Variants in CEP128 observed in about 807,000 individuals in gnomAD.
CEP128 encodes the protein centrosomal protein 128kDa.
A neutral mutation model predicts 156.7 loss-of-function variants in CEP128; 132 were observed. That is an observed-to-expected ratio of 0.84 (90% CI 0.73 to 0.97). The LOEUF is 0.97. Among genes scored for constraint, CEP128 ranks in the 50% least tolerant of loss-of-function variants. CEP128 has a pLI of 0.00. For synonymous variants in CEP128, 469 were observed against 448.9 expected, an observed-to-expected ratio of 1.04 and a Z score of -0.57; for missense variants, 1,252 against 1,281.9, an observed-to-expected ratio of 0.98 and a Z score of 0.36.
chr14:80,890,503 A>C (rs1170180016), intron 8 of CEP128, among the ~76,000 whole-genome samples: 1 of 152,168 alleles, frequency 6.6e-6, no homozygotes, highest in African/African-American at 2.4e-5. Flanking sequence ...GGAAACCATC[A>C]TTCTCAGCAA....
chr14:80,885,278 A>G (rs1412865839), intron 8 of CEP128, among the ~76,000 whole-genome samples: 2 of 152,152 alleles, frequency 1.3e-5, no homozygotes, highest in Admixed American at 6.5e-5. Context: ...GAGCTCTGCT[A>G]AGGGACAGAC....
At chr14:80,895,067 G>A (rs117388817) in intron 8 of CEP128, among the ~76,000 whole-genome samples, 7,372 of 151,632 alleles carry the variant, frequency 0.049, 200 homozygotes, top group Middle Eastern at 0.069. Flanking sequence ...GACCATTAAC[G>A]GTTTCCTCCT....
chr14:80,605,219 G>C (rs1168048069), intron 19 of CEP128, among the ~76,000 whole-genome samples: 1 of 152,180 alleles, frequency 6.6e-6, no homozygotes, highest in South Asian at 2.1e-4. Context: ...TATCTTTGTA[G>C]GTTGCTGCAT....
At chr14:80,689,166 C>G (rs1180658176) in intron 19 of CEP128, among the ~76,000 whole-genome samples, 1 of 151,614 alleles carries the variant, frequency 6.6e-6, no homozygotes, top group Non-Finnish European at 1.5e-5. Context: ...GCCTGGCCAA[C>G]ATGGTGAATG....
intron 18 of CEP128, among the ~76,000 whole-genome samples, chr14:80,748,182 A>C (rs1017622841): frequency 2.0e-5 from 3 of 152,184 alleles, no homozygotes; most frequent in African/African-American, 4.8e-5. Context: ...GGAAATCTGC[A>C]AATTAAATTG....
chr14:80,836,173 T>G, intron 12 of CEP128, 32 bp downstream of exon 12: 4 of 1,608,286 alleles, frequency 2.5e-6, no homozygotes, highest in Non-Finnish European at 3.4e-6. Context: ...CCACACACAT[T>G]ATCACATTAT....
At chr14:80,619,430 T>C (rs1323029147) in intron 19 of CEP128, among the ~76,000 whole-genome samples, 3 of 142,090 alleles carry the variant, frequency 2.1e-5, no homozygotes, top group East Asian at 4.0e-4. Flanking sequence ...CCTGGCATGG[T>C]GGCTGATGTC....
At chr14:80,898,927 T>C (rs1483614661) in intron 7 of CEP128, among the ~76,000 whole-genome samples, 2 of 152,160 alleles carry the variant, frequency 1.3e-5, no homozygotes, top group African/African-American at 4.8e-5. Context: ...ACTGCCTAGA[T>C]TTTAATTCTG....
At position 80,584,185 on chromosome 14, in the gene CEP128, T is replaced by C. The variant is rs145105203; in HGVS notation, c.2807-3762A>G. Reference sequence around the variant, plus strand: ...TTTTGTTTGACAGCGTCTCATCCGATGCCCAGACTGGAGTGCAGTGGCGCC... The same window carrying C: ...TTTTGTTTGACAGCGTCTCATCCGACGCCCAGACTGGAGTGCAGTGGCGCC... On this transcript the variant is annotated intron_variant, in intron 19 of 24. Coordinates refer to ENST00000555265, the MANE Select transcript of CEP128 (RefSeq NM_152446.5). Among the ~76,000 whole-genome samples, 251 of 134,648 alleles carry C rather than the reference T, an allele frequency of 1.9e-3. 2 individuals carry two copies. The highest frequency in any genetic ancestry group is 6.8e-3 in the African/African-American group (233 of 34,168). 88.3% of individuals were successfully genotyped at this position (134,648 alleles called of 152,430 possible).
intron 2 of CEP128, among the ~76,000 whole-genome samples, chr14:80,928,778 T>A (rs1885285598): frequency 6.6e-6 from 1 of 151,858 alleles, no homozygotes; most frequent in Non-Finnish European, 1.5e-5. Flanking sequence ...CTATAAAAAA[T>A]TTAAGAAGAA....
chr14:80,690,544 T>C (rs1896687070), intron 19 of CEP128, among the ~76,000 whole-genome samples: 1 of 152,060 alleles, frequency 6.6e-6, no homozygotes, highest in African/African-American at 2.4e-5. Flanking sequence ...ATCCAGGATA[T>C]TTAAAGAGAA....
chr14:80,958,513 G>T (rs17544306), intron 1 of CEP128, among the ~76,000 whole-genome samples: 1 of 152,020 alleles, frequency 6.6e-6, no homozygotes, highest in Non-Finnish European at 1.5e-5. Context: ...TGATAACCTC[G>T]GGGGCTATTC....
chr14:80,492,274 A>C (rs535780484), downstream of CEP128, among the ~76,000 whole-genome samples: 229 of 152,348 alleles, frequency 1.5e-3, no homozygotes, highest in African/African-American at 5.1e-3. Context: ...GTGTATTATC[A>C]CACAAGGATG....
intron 19 of CEP128, among the ~76,000 whole-genome samples, chr14:80,647,972 A>C (rs1595147310): frequency 6.6e-6 from 1 of 152,246 alleles, no homozygotes; most frequent in East Asian, 1.9e-4. Flanking sequence ...CTTATTTTCC[A>C]AACTTAATTC....
intron 1 of CEP128, 39 bp from the exon 2 acceptor site, chr14:80,939,579 A>G (rs1240644417): frequency 6.6e-6 from 1 of 152,238 alleles, no homozygotes; most frequent in Admixed American, 6.5e-5. Context: ...ACATACCTAC[A>G]ACTTTAAACA....
At chr14:80,781,373 C>T (rs1337778511) in intron 15 of CEP128, among the ~76,000 whole-genome samples, 1 of 147,622 alleles carries the variant, frequency 6.8e-6, no homozygotes, top group Non-Finnish European at 1.5e-5. Context: ...AGGAGAATTG[C>T]TTGAACCCGG....
intron 19 of CEP128, among the ~76,000 whole-genome samples, chr14:80,678,810 A>G (rs894432098): frequency 6.6e-6 from 1 of 152,194 alleles, no homozygotes; most frequent in African/African-American, 2.4e-5. Context: ...CAAGAGCACA[A>G]TGCAATTTTT....
Position 80,900,030 on chromosome 14 carries a change from C to T in CEP128, c.481-1G>A. The T allele has an allele frequency of 6.2e-7, 1 of 1,600,238 alleles. No homozygotes were observed. The highest frequency in any genetic ancestry group is 8.6e-7 in the Non-Finnish European group (1 of 1,169,488). On this transcript the variant is annotated splice_acceptor_variant, in intron 6 of 24. Coordinates refer to ENST00000555265, the MANE Select transcript of CEP128 (RefSeq NM_152446.5). LOFTEE classifies it high-confidence loss of function. ...GAAGAGACTGATGAAAACCATGAAG[C>T]TAGCAAAGGCAAAACACAGTTATCC...
At chr14:80,535,408 T>A (rs1478352797) in intron 21 of CEP128, among the ~76,000 whole-genome samples, 1 of 152,214 alleles carries the variant, frequency 6.6e-6, no homozygotes, top group Non-Finnish European at 1.5e-5. Context: ...TAGTGAGTGC[T>A]TTATGTAAAT....
Sources: allele counts gnomAD v4.1 joint callset (sites outside exome capture counted in the v4.1 genomes callset), GRCh38; gene constraint gnomAD v4.1.1; transcripts MANE v1.5; gene names NCBI Gene and HGNC (gene_info 2026-07-23, HGNC 2026-07-21).